The following SYN2 variants were observed in gnomAD, a reference collection of about 807,000 sequenced individuals.
SYN2 encodes the protein synapsin II, also known as synapsin-2.
SYN2 carries 19 observed loss-of-function variants against 50.9 expected under a neutral mutation model. That is an observed-to-expected ratio of 0.37 (90% CI 0.26 to 0.55). The LOEUF (loss-of-function observed/expected upper bound fraction) is 0.55, where lower values mean the gene tolerates loss of function less well. SYN2 is among the 20% of genes least tolerant of loss of function. The pLI is 0.81. For synonymous variants in SYN2, 255 were observed against 224.9 expected, an observed-to-expected ratio of 1.13 and a Z score of -1.20; for missense variants, 587 against 576.4, an observed-to-expected ratio of 1.02 and a Z score of -0.19.
intron 1 of SYN2, among the ~76,000 whole-genome samples, chr3:12,127,288 C>T (rs184361506): frequency 2.6e-4 from 39 of 152,366 alleles, no homozygotes. Flanking sequence ...ACAGCACTAT[C>T]TGTCTTCATA....
At chr3:12,157,976 G>A (rs1272002224) in intron 5 of SYN2, among the ~76,000 whole-genome samples, 2 of 152,222 alleles carry the variant, frequency 1.3e-5, no homozygotes, top group African/African-American at 2.4e-5. Flanking sequence ...ACCAAAAACT[G>A]TTGATGATGT....
At chr3:12,033,919 A>G (rs1181539633) in intron 1 of SYN2, among the ~76,000 whole-genome samples, 1 of 152,098 alleles carries the variant, frequency 6.6e-6, no homozygotes, top group Non-Finnish European at 1.5e-5. Context: ...TTACTTGTCT[A>G]TTTACTTATC....
rs193104887 is a variant in SYN2 at position 12,022,183 on chromosome 3, A to G, written c.377+17255A>G. 7.3e-3 allele frequency among the ~76,000 whole-genome samples: 1,110 copies of G among 152,162 alleles called. 10 individuals carry two copies. Among genetic ancestry groups the G allele is most frequent in the African/African-American group, 0.025 (1,045 of 41,492 alleles). ...TGTGAGTTCCATCAGGGCAAAGGCC[A>G]TGCTTTATTCTTTGCCTCAGCCTTT... On this transcript the variant is annotated intron_variant, in intron 1 of 12. Transcript: ENST00000621198.
At position 12,023,795 on chromosome 3, in the gene SYN2, T is replaced by G. The variant is rs113138517; in HGVS notation, c.377+18867T>G. 1.7e-4 allele frequency among the ~76,000 whole-genome samples: 26 copies of G among 152,256 alleles called. 2 individuals carry two copies. The highest frequency in any genetic ancestry group is 6.0e-4 in the African/African-American group (25 of 41,554). ...CATGGGTGGAGAACTTGTGCAGTCCTGGAGACCAACTAGGAGCATGTTTTG... is the reference window on the plus strand; with the variant it reads ...CATGGGTGGAGAACTTGTGCAGTCCGGGAGACCAACTAGGAGCATGTTTTG... On this transcript the variant is annotated intron_variant, in intron 1 of 12. Transcript: ENST00000621198.
chr3:12,187,404 G>C lies in SYN2; in HGVS notation c.1405G>C (p.Gly469Arg), dbSNP rs191219701. The part of the protein sequence containing the change: ...PGQPQGMQPP[G>R]KVLPPRRLPP... The stretch of plus-strand genomic sequence containing the variant: ...GCAACCCCAAGGAATGCAGCCCCCA[G>C]GCAAGGTGCTGCCTCCACGCCGGCT... The change falls in exon 12 of 13, where the codon GGC becomes CGC. Residue 469 changes from glycine (G) to arginine (R), a missense_variant. Physicochemically the swap from Gly to Arg is moderately radical, Grantham distance 125. Transcript: ENST00000621198. 2.1e-5 allele frequency: 32 copies of C among 1,550,540 alleles called. No homozygotes were observed. In the East Asian group the frequency reaches 7.3e-4, roughly 36 times the overall value.
intron 1 of SYN2, among the ~76,000 whole-genome samples, chr3:12,034,355 C>T (rs1170431398): frequency 6.6e-6 from 1 of 152,164 alleles, no homozygotes; most frequent in Non-Finnish European, 1.5e-5. Flanking sequence ...AATGTCTATG[C>T]AATTCCTTTT....
At chr3:12,187,293 C>G (rs571775517) in intron 11 of SYN2, 76 bp from the exon 12 acceptor site, 2 of 1,461,178 alleles carry the variant, frequency 1.4e-6, no homozygotes, top group Admixed American at 4.9e-5. Context: ...CTAACCACAC[C>G]CTTTGAGGCA....
intron 1 of SYN2, among the ~76,000 whole-genome samples, chr3:12,069,725 A>G (rs1023433737): frequency 6.6e-6 from 1 of 151,762 alleles, no homozygotes; most frequent in Admixed American, 6.6e-5. Flanking sequence ...ATCCTCATCA[A>G]CATTTATTAT....
intron 4 of SYN2, among the ~76,000 whole-genome samples, chr3:12,147,806 G>A (rs308957): frequency 0.98 from 149,068 of 152,288 alleles, 72,978 homozygotes; most frequent in Middle Eastern, 1. Context: ...GGCTCCTAGT[G>A]TATGGGTTCT....
At chr3:12,022,996 G>A (rs2125136708) in intron 1 of SYN2, among the ~76,000 whole-genome samples, 1 of 152,276 alleles carries the variant, frequency 6.6e-6, no homozygotes, top group African/African-American at 2.4e-5. Context: ...ATGCTTACAA[G>A]AGTAGTAGGA....
chr3:12,154,645 T>A (rs531482549), intron 5 of SYN2, among the ~76,000 whole-genome samples: 27 of 152,344 alleles, frequency 1.8e-4, no homozygotes, highest in African/African-American at 6.0e-4. Context: ...AGATTATGTT[T>A]GTACGAGGCA....
At chr3:12,101,855 A>C (rs6442307) in intron 1 of SYN2, among the ~76,000 whole-genome samples, 21,432 of 152,062 alleles carry the variant, frequency 0.14, 2,654 homozygotes, top group African/African-American at 0.34. Context: ...GATGTTGGCA[A>C]AATCACTAGG....
chr3:12,134,958 ATGCTCAGTAAATTTTTGC>A (rs1367191664), intron 1 of SYN2, among the ~76,000 whole-genome samples: 2 of 152,210 alleles, frequency 1.3e-5, no homozygotes, highest in East Asian at 1.9e-4. Flanking sequence ...CTACCACTGG[ATGCTCAGTAAATTTTTGC>A]TGAATTTAGT....
At chr3:12,155,026 AC>A (rs1697415222) in intron 5 of SYN2, among the ~76,000 whole-genome samples, 1 of 11,114 alleles carries the variant, frequency 9.0e-5, no homozygotes, top group African/African-American at 1.8e-4. Context: ...GCTCCTTTTC[AC>A]CTTTCAGACG....
intron 1 of SYN2, among the ~76,000 whole-genome samples, chr3:12,024,532 C>G (rs1041301670): frequency 1.3e-5 from 2 of 152,142 alleles, no homozygotes; most frequent in African/African-American, 4.8e-5. Flanking sequence ...TAAACGAAAT[C>G]CTACAGTAGA....
chr3:12,146,813 G>A (rs965177932), intron 4 of SYN2, among the ~76,000 whole-genome samples: 6 of 152,124 alleles, frequency 3.9e-5, no homozygotes, highest in South Asian at 2.1e-4. Flanking sequence ...CCACTGAGGG[G>A]ACCCAGCTCC....
chr3:12,166,580 G>C (rs968895152), intron 7 of SYN2, among the ~76,000 whole-genome samples: 1 of 152,226 alleles, frequency 6.6e-6, no homozygotes, highest in Non-Finnish European at 1.5e-5. Flanking sequence ...CTGATGGCTT[G>C]ATGCCATCGG....
chr3:12,174,044 C>T (rs190295966), intron 10 of SYN2, among the ~76,000 whole-genome samples: 18 of 152,144 alleles, frequency 1.2e-4, no homozygotes, highest in African/African-American at 3.1e-4. Flanking sequence ...GAGGCCCCCC[C>T]GCCCATCGCT....
chr3:12,151,431 A>ACTAT, intron 5 of SYN2, 105 bp downstream of exon 5: 1 of 829,454 alleles, frequency 1.2e-6, no homozygotes, highest in Non-Finnish European at 2.0e-6. Context: ...CTCAACCCCA[A>ACTAT]AGACTCCACT....
Sources: allele counts gnomAD v4.1 joint callset (sites outside exome capture counted in the v4.1 genomes callset), GRCh38; gene constraint gnomAD v4.1.1; transcripts MANE v1.5; gene names NCBI Gene and HGNC (gene_info 2026-07-23, HGNC 2026-07-21).